Variants in TBC1D4 observed in about 807,000 individuals in gnomAD.
The protein encoded by TBC1D4 is TBC (Tre-2, BUB2, CDC16) domain-containing protein.
Under a neutral mutation model 142.5 loss-of-function variants are expected in TBC1D4, and 121 were observed. The ratio of observed to expected loss-of-function variants is 0.85; its 90% CI spans 0.73 to 0.99. The LOEUF (loss-of-function observed/expected upper bound fraction) is 0.99. Ranked by LOEUF, TBC1D4 falls within the 50% of genes least tolerant of loss-of-function variation. The pLI is 0.00. For missense variants in TBC1D4, 1,475 were observed against 1,606.6 expected, an observed-to-expected ratio of 0.92 and a Z score of 1.40; for synonymous variants, 630 against 628.2, an observed-to-expected ratio of 1.00 and a Z score of -0.04.
intron 1 of TBC1D4, among the ~76,000 whole-genome samples, chr13:75,408,078 A>G (rs574875902): frequency 6.6e-6 from 1 of 152,282 alleles, no homozygotes; most frequent in South Asian, 2.1e-4. Context: ...CACCCCAGAA[A>G]GAACCCTGTA....
intron 1 of TBC1D4, among the ~76,000 whole-genome samples, chr13:75,391,222 AC>A (rs1225884415): frequency 6.7e-6 from 1 of 150,128 alleles, no homozygotes; most frequent in Non-Finnish European, 1.5e-5. Flanking sequence ...ACACACACAC[AC>A]ACTATTTTTA....
intron 1 of TBC1D4, among the ~76,000 whole-genome samples, chr13:75,407,362 C>G (rs921416569): frequency 6.6e-6 from 1 of 152,194 alleles, no homozygotes; most frequent in African/African-American, 2.4e-5. Context: ...CTCCAAATCT[C>G]TTCCTCAAAC....
intron 9 of TBC1D4, among the ~76,000 whole-genome samples, 192 bp from the exon 10 acceptor site, chr13:75,326,615 A>G (rs1879288957): frequency 6.6e-6 from 1 of 152,222 alleles, no homozygotes; most frequent in Non-Finnish European, 1.5e-5. Flanking sequence ...TCTTCTGATA[A>G]GCAGCTGTAA....
intron 1 of TBC1D4, among the ~76,000 whole-genome samples, chr13:75,423,256 T>G (rs559483199): frequency 1.7e-4 from 22 of 127,558 alleles, no homozygotes; most frequent in African/African-American, 6.5e-4. Flanking sequence ...TATGTAAGTG[T>G]TTTTTTTTTC....
At chr13:75,319,865 C>A in intron 12 of TBC1D4, 149 bp downstream of exon 12, 1 of 700,232 alleles carries the variant, frequency 1.4e-6, no homozygotes, top group East Asian at 2.8e-5. Flanking sequence ...CCAAGGGTCA[C>A]ATTTTCCCTA....
At chr13:75,392,294 T>C (rs1884530391) in intron 1 of TBC1D4, among the ~76,000 whole-genome samples, 1 of 152,156 alleles carries the variant, frequency 6.6e-6, no homozygotes, top group African/African-American at 2.4e-5. Flanking sequence ...CAAATATTAG[T>C]ATATCCTCCT....
At chr13:75,374,985 G>T (rs1048598021) in intron 1 of TBC1D4, among the ~76,000 whole-genome samples, 2 of 152,122 alleles carry the variant, frequency 1.3e-5, no homozygotes, top group Non-Finnish European at 2.9e-5. Flanking sequence ...ACAATAAACT[G>T]CAAGTAATCC....
At chr13:75,343,951 A>G (rs1177516010) in intron 5 of TBC1D4, among the ~76,000 whole-genome samples, 1 of 151,868 alleles carries the variant, frequency 6.6e-6, no homozygotes, top group Non-Finnish European at 1.5e-5. Context: ...AGTGATTCTC[A>G]TGCCTCAACC....
chr13:75,440,739 C>CTTT (rs575270198), intron 1 of TBC1D4, among the ~76,000 whole-genome samples: 1 of 139,544 alleles, frequency 7.2e-6, no homozygotes, highest in African/African-American at 2.7e-5. Context: ...TTATTTGTTT[C>CTTT]TTTTTTTTTT....
At chr13:75,386,592 A>G (rs12018030) in intron 1 of TBC1D4, among the ~76,000 whole-genome samples, 1,890 of 151,916 alleles carry the variant, frequency 0.012, 50 homozygotes, top group African/African-American at 0.042. Context: ...GTTTCACCAC[A>G]TTAGCCAGGA....
chr13:75,320,401 T>G (rs1878653018), intron 11 of TBC1D4, among the ~76,000 whole-genome samples: 1 of 152,124 alleles, frequency 6.6e-6, no homozygotes, highest in African/African-American at 2.4e-5. Context: ...CTGTAAAAAG[T>G]AACAAATATG....
chr13:75,409,825 T>A (rs997438207), intron 1 of TBC1D4, among the ~76,000 whole-genome samples: 1 of 152,372 alleles, frequency 6.6e-6, no homozygotes, highest in East Asian at 1.9e-4. Context: ...TAGATAGCTA[T>A]AAAGGTCCCT....
chr13:75,433,603 G>A (rs1377746836), intron 1 of TBC1D4, among the ~76,000 whole-genome samples: 1 of 152,032 alleles, frequency 6.6e-6, no homozygotes, highest in Admixed American at 6.6e-5. Flanking sequence ...CTTTCCTAAC[G>A]TACTTGATTC....
intron 1 of TBC1D4, among the ~76,000 whole-genome samples, chr13:75,398,869 C>T: frequency 6.6e-6 from 1 of 152,226 alleles, no homozygotes; most frequent in African/African-American, 2.4e-5. Context: ...CTTATCTAGA[C>T]AAGGGGGTTT....
chr13:75,293,701 T>G (rs1875579419), intron 18 of TBC1D4, among the ~76,000 whole-genome samples: 1 of 152,216 alleles, frequency 6.6e-6, no homozygotes, highest in Admixed American at 6.5e-5. Flanking sequence ...TGCTGCATTT[T>G]ATAAATTGTA....
At chr13:75,438,050 C>T (rs1398647377) in intron 1 of TBC1D4, among the ~76,000 whole-genome samples, 1 of 152,174 alleles carries the variant, frequency 6.6e-6, no homozygotes, top group Non-Finnish European at 1.5e-5. Context: ...TCCCATCACA[C>T]CACAATTTTC....
In TBC1D4 at chr13:75,288,949, G is replaced by A; in HGVS notation, c.3648C>T (p.Leu1216=). 3.1e-6 allele frequency: 5 copies of A among 1,613,622 alleles called. No homozygotes were observed. Among genetic ancestry groups the A allele is most frequent in the East Asian group, 2.2e-5 (1 of 44,862 alleles). Reference sequence around the variant, plus strand: ...ATTTCTTTACCTGTAATTTTTCTAGGAGGTCCATGTTTTGTCTTTTCAGTT... The same window carrying A: ...ATTTCTTTACCTGTAATTTTTCTAGAAGGTCCATGTTTTGTCTTTTCAGTT... ...NSQLKRQNMD[L]LEKLQVAHTK... is the part of the protein sequence containing the mutation. The change falls in exon 20 of 21, where the codon CTC becomes CTT. Residue 1216 remains leucine (L), a synonymous_variant. Coordinates refer to ENST00000377636, the MANE Select transcript of TBC1D4 (RefSeq NM_014832.5).
intron 1 of TBC1D4, among the ~76,000 whole-genome samples, chr13:75,426,889 A>AG (rs1886393356): frequency 6.6e-6 from 1 of 150,796 alleles, no homozygotes; most frequent in Admixed American, 6.6e-5. Context: ...AAAATACAAA[A>AG]AAAAAAAAAA....
At chr13:75,325,334 ACTGTATC>A (rs1463773054) in intron 10 of TBC1D4, among the ~76,000 whole-genome samples, 2 of 152,082 alleles carry the variant, frequency 1.3e-5, no homozygotes, top group Non-Finnish European at 2.9e-5. Context: ...TGAAAATAAA[ACTGTATC>A]CTTAGAAGAA....
Sources: allele counts gnomAD v4.1 joint callset (sites outside exome capture counted in the v4.1 genomes callset), GRCh38; gene constraint gnomAD v4.1.1; transcripts MANE v1.5; gene names NCBI Gene and HGNC (gene_info 2026-07-23, HGNC 2026-07-21).